Variants in CDH8 observed in about 807,000 individuals in gnomAD.
CDH8 encodes the protein cadherin-8.
CDH8 carries 17 observed loss-of-function variants against 68.1 expected under a neutral mutation model. That is an observed-to-expected ratio of 0.25 (90% confidence interval 0.17 to 0.37). The LOEUF (loss-of-function observed/expected upper bound fraction) is 0.37. Among genes scored for constraint, CDH8 ranks in the 10% least tolerant of loss-of-function variants. The pLI is 1.00. For synonymous variants in CDH8, 372 were observed against 365.1 expected (o/e 1.02, Z -0.21); for missense variants, 763 against 999.3 (o/e 0.76, Z 3.19).
In CDH8 at chr16:61,690,679, C is replaced by T. The variant is rs575710934; in HGVS notation, c.1654+23162G>A. ...TGTTGTTTATTTTCTTTTTCCTGTG[C>T]CAGGTAACACGTTTATTAGCAGAAC... On this transcript the variant is annotated intron_variant, in intron 10 of 11. Transcript: ENST00000577390. Among the ~76,000 whole-genome samples, 10 of 151,872 alleles carry T rather than the reference C, an allele frequency of 6.6e-5. No homozygotes were observed. In the South Asian group the frequency reaches 2.1e-3, roughly 32 times the overall value.
At chr16:61,876,197 T>C (rs1963456785) in intron 3 of CDH8, among the ~76,000 whole-genome samples, 1 of 152,138 alleles carries the variant, frequency 6.6e-6, no homozygotes, top group African/African-American at 2.4e-5. Flanking sequence ...TTTAGGATGG[T>C]AAATTAAGAA....
intron 10 of CDH8, among the ~76,000 whole-genome samples, chr16:61,710,323 A>T (rs1964608001): frequency 6.6e-6 from 1 of 152,128 alleles, no homozygotes; most frequent in Non-Finnish European, 1.5e-5. Context: ...CTCGGTTGAG[A>T]CAGAAATCTA....
At chr16:61,869,980 G>A (rs1205622905) in intron 3 of CDH8, among the ~76,000 whole-genome samples, 1 of 152,090 alleles carries the variant, frequency 6.6e-6, no homozygotes, top group African/African-American at 2.4e-5. Context: ...CAACAGCTGC[G>A]ACATTTTTCT....
chr16:61,667,992 A>G (rs1346434707), intron 10 of CDH8, among the ~76,000 whole-genome samples: 2 of 152,002 alleles, frequency 1.3e-5, no homozygotes, highest in Non-Finnish European at 2.9e-5. Flanking sequence ...ATTAAAGCTC[A>G]AGGATAAGAG....
At chr16:61,989,698 A>AT (rs1360882771) in intron 2 of CDH8, among the ~76,000 whole-genome samples, 1 of 152,236 alleles carries the variant, frequency 6.6e-6, no homozygotes, top group Non-Finnish European at 1.5e-5. Context: ...ACTGAATTGC[A>AT]TTAGAGTCTA....
chr16:62,009,009 C>T (rs1037927881), intron 2 of CDH8, among the ~76,000 whole-genome samples: 2 of 146,480 alleles, frequency 1.4e-5, no homozygotes, highest in African/African-American at 5.0e-5. Flanking sequence ...TTCATTTATA[C>T]TTTTAGGTTC....
intron 2 of CDH8, among the ~76,000 whole-genome samples, chr16:61,914,851 G>A (rs770996775): frequency 3.9e-5 from 6 of 151,938 alleles, no homozygotes; most frequent in Middle Eastern, 3.4e-3. Flanking sequence ...AGAAAGAAAC[G>A]CAACCCAGTC....
chr16:61,821,153 C>T, intron 5 of CDH8, 40 bp from the exon 6 acceptor site: 1 of 1,515,926 alleles, frequency 6.6e-7, no homozygotes, highest in South Asian at 1.2e-5. Context: ...ACACAAATTC[C>T]AACCATTCAT....
At chr16:61,945,840 C>T (rs917917532) in intron 2 of CDH8, among the ~76,000 whole-genome samples, 3 of 152,092 alleles carry the variant, frequency 2.0e-5, no homozygotes, top group South Asian at 2.1e-4. Context: ...TCTCAGGCAC[C>T]GTGATTTTTT....
In CDH8 at chr16:61,650,306, A is replaced by T. The variant is rs960209349; in HGVS notation, c.*3302T>A. On this transcript the variant is annotated 3_prime_UTR_variant, in exon 12 of 12. Transcript: ENST00000577390. ...GCAGAGTAGAGGCTGAATTGATCCCATGTTGTGTCCAATCACCCAGGGATG... is the reference window on the plus strand; with the variant it reads ...GCAGAGTAGAGGCTGAATTGATCCCTTGTTGTGTCCAATCACCCAGGGATG... The T allele has an allele frequency of 6.6e-6, 1 of 152,016 alleles. No homozygotes were observed. Among genetic ancestry groups the T allele is most frequent in the African/African-American group, 2.4e-5 (1 of 41,400 alleles). The allele number at this position is 152,016 out of a possible 1,614,324, so 9.4% of individuals were successfully genotyped here. A position where few individuals can be genotyped will look rare whatever the true frequency, so the allele number is the denominator to read the frequency against.
intron 8 of CDH8, among the ~76,000 whole-genome samples, chr16:61,737,470 T>C (rs1187897251): frequency 6.6e-6 from 1 of 152,134 alleles, no homozygotes; most frequent in African/African-American, 2.4e-5. Context: ...TACAGCAACT[T>C]AGTAAGCTTA....
At chr16:61,665,155 A>C (rs981369600) in intron 10 of CDH8, among the ~76,000 whole-genome samples, 2 of 151,878 alleles carry the variant, frequency 1.3e-5, no homozygotes, top group Non-Finnish European at 2.9e-5. Flanking sequence ...AAGAGACACT[A>C]AAGACCTTCT....
At chr16:61,864,181 T>TCA (rs1963207148) in intron 3 of CDH8, among the ~76,000 whole-genome samples, 1 of 152,180 alleles carries the variant, frequency 6.6e-6, no homozygotes, top group African/African-American at 2.4e-5. Context: ...CAGACAGAAT[T>TCA]CATTATTTAT....
chr16:61,949,834 C>A (rs78748224), intron 2 of CDH8, among the ~76,000 whole-genome samples: 6,136 of 151,824 alleles, frequency 0.04, 431 homozygotes, highest in African/African-American at 0.14. Context: ...AATAATAATA[C>A]AAAAATTAGC....
At chr16:62,010,633 A>G (rs1157320442) in intron 2 of CDH8, among the ~76,000 whole-genome samples, 3 of 152,192 alleles carry the variant, frequency 2.0e-5, no homozygotes. Context: ...TATTCAGGTT[A>G]CTTAAAATCT....
chr16:61,938,040 T>C (rs1382583659), intron 2 of CDH8: 1 of 152,170 alleles, frequency 6.6e-6, no homozygotes, highest in Non-Finnish European at 1.5e-5. Flanking sequence ...AGACAAATGG[T>C]ATAATTCAGT....
At chr16:61,810,438 C>A (rs56307987) in intron 7 of CDH8, among the ~76,000 whole-genome samples, 20,903 of 151,382 alleles carry the variant, frequency 0.14, 1,780 homozygotes, top group Middle Eastern at 0.21. Flanking sequence ...AAAGAAGGAG[C>A]CTTTTTCTAT....
chr16:61,951,802 T>C (rs1964903361), intron 2 of CDH8, among the ~76,000 whole-genome samples: 1 of 152,178 alleles, frequency 6.6e-6, no homozygotes, highest in Admixed American at 6.5e-5. Context: ...GAAAGGGTTA[T>C]GATTTCCCCA....
At chr16:61,744,055 C>T (rs1429759572) in intron 8 of CDH8, among the ~76,000 whole-genome samples, 1 of 152,042 alleles carries the variant, frequency 6.6e-6, no homozygotes, top group Non-Finnish European at 1.5e-5. Flanking sequence ...TTTTATGACA[C>T]AGTTTTTGGC....
Sources: allele counts gnomAD v4.1 joint callset (sites outside exome capture counted in the v4.1 genomes callset), GRCh38; gene constraint gnomAD v4.1.1; transcripts MANE v1.5; gene names NCBI Gene and HGNC (gene_info 2026-07-23, HGNC 2026-07-21).